VAC14: variants seen among roughly 807,000 people sequenced by gnomAD.
VAC14 encodes VAC14 component of PIKFYVE complex, also known as protein VAC14 homolog.
VAC14 carries 47 observed loss-of-function variants against 85.3 expected under a neutral mutation model. The ratio of observed to expected loss-of-function variants is 0.55; its 90% CI spans 0.44 to 0.70. The LOEUF is 0.70. VAC14 is among the 30% of genes least tolerant of loss of function. The pLI is 0.00. For missense variants in VAC14, 861 were observed against 1,004.3 expected, an observed-to-expected ratio of 0.86 and a Z score of 1.93; for synonymous variants, 447 against 430.5, an observed-to-expected ratio of 1.04 and a Z score of -0.47.
chr16:70,735,899 C>G (rs2054735560), intron 13 of VAC14, among the ~76,000 whole-genome samples: 1 of 152,274 alleles, frequency 6.6e-6, no homozygotes, highest in Non-Finnish European at 1.5e-5. Flanking sequence ...GTGTCACATT[C>G]TTATAGATCG....
At chr16:70,715,013 G>A (rs1038113251) in intron 14 of VAC14, 1 of 152,310 alleles carries the variant, frequency 6.6e-6, no homozygotes, top group African/African-American at 2.4e-5. Context: ...CCTATCTGAA[G>A]GCTCCTCTCA....
chr16:70,706,458 A>G (rs185629281), intron 14 of VAC14, among the ~76,000 whole-genome samples: 2 of 152,144 alleles, frequency 1.3e-5, no homozygotes, highest in East Asian at 3.9e-4. Flanking sequence ...TCCTTCCTTC[A>G]TTTCCATCCC....
intron 14 of VAC14, among the ~76,000 whole-genome samples, chr16:70,717,624 C>T (rs184712160): frequency 5.7e-4 from 87 of 152,170 alleles, no homozygotes; most frequent in Non-Finnish European, 1.8e-4. Context: ...GGACAGAAGA[C>T]GGGAGAGTGC....
At chr16:70,749,415 C>T (rs2031193362) in intron 12 of VAC14, among the ~76,000 whole-genome samples, 3 of 152,260 alleles carry the variant, frequency 2.0e-5, no homozygotes, top group Admixed American at 1.3e-4. Flanking sequence ...TTCAATTGCA[C>T]AATTAAAGCC....
Position 70,692,945 on chromosome 16 carries a change from T to A in VAC14, c.2062A>T (p.Lys688Ter). ...GCCTTGATCAGGTAGGGGTTGTTCTTCACGTCCAGCAGCTGCAGGCGCAGA... is the reference window on the plus strand; with the variant it reads ...GCCTTGATCAGGTAGGGGTTGTTCTACACGTCCAGCAGCTGCAGGCGCAGA... Reference protein sequence around the residue: ...TYLRLQLLDVKNNPYLIKALY... With the variant: ...TYLRLQLLDV The change falls in exon 18 of 19, where the codon AAG (lysine) becomes TAG (stop). Residue 688 changes from lysine (K) to a stop codon, truncating the protein, a stop_gained. Coordinates refer to ENST00000261776, the MANE Select transcript of VAC14 (RefSeq NM_018052.5). LOFTEE classifies it high-confidence loss of function. The A allele has an allele frequency of 6.2e-7, 1 of 1,611,290 alleles. No individual in the cohort carries two copies. Among genetic ancestry groups the A allele is most frequent in the Non-Finnish European group, 8.5e-7 (1 of 1,179,498 alleles).
At chr16:70,742,463 A>G (rs1426140586) in intron 13 of VAC14, among the ~76,000 whole-genome samples, 1 of 152,140 alleles carries the variant, frequency 6.6e-6, no homozygotes, top group Non-Finnish European at 1.5e-5. Flanking sequence ...GCCCCCATGT[A>G]CTGACTTGGG....
At chr16:70,688,243 G>T in intron 18 of VAC14, 153 bp from the exon 19 acceptor site, 1 of 1,272,984 alleles carries the variant, frequency 7.9e-7, no homozygotes, top group Non-Finnish European at 9.9e-7. Context: ...GTCATGGCGG[G>T]CCCCAGAGCT....
chr16:70,739,971 T>A (rs1248164012), intron 13 of VAC14, among the ~76,000 whole-genome samples: 1 of 151,920 alleles, frequency 6.6e-6, no homozygotes, highest in African/African-American at 2.4e-5. Flanking sequence ...TTTTGTTTTA[T>A]TTTTTTTGAG....
chr16:70,742,414 T>A (rs1316436733), intron 13 of VAC14, among the ~76,000 whole-genome samples: 1 of 148,260 alleles, frequency 6.7e-6, no homozygotes, highest in Non-Finnish European at 1.5e-5. Context: ...ACACTCCACC[T>A]CTGGCATTCC....
At position 70,801,142 on chromosome 16, in the gene VAC14, G is replaced by A. The variant is rs897059782; in HGVS notation, c.-242C>T. The A allele has an allele frequency of 9.5e-6, 4 of 419,350 alleles. No homozygotes were observed. The highest frequency in any genetic ancestry group is 6.3e-5 in the African/African-American group (3 of 47,712). The allele number at this position is 419,350 out of a possible 1,614,324, so 26.0% of individuals were successfully genotyped here. ...CACTAGCGGGACTCACGAGACAGCG[G>A]CCATGTTACTCGAGTCACATGACTC... On this transcript the variant is annotated 5_prime_UTR_variant, in exon 1 of 19. Coordinates refer to ENST00000261776, the MANE Select transcript of VAC14 (RefSeq NM_018052.5).
chr16:70,731,074 C>A (rs905819418), intron 14 of VAC14, among the ~76,000 whole-genome samples: 1 of 152,202 alleles, frequency 6.6e-6, no homozygotes, highest in African/African-American at 2.4e-5. Flanking sequence ...CCATCCTGGG[C>A]TGGGCTCACA....
intron 18 of VAC14, chr16:70,691,545 C>G: frequency 1.0e-6 from 1 of 985,480 alleles, no homozygotes; most frequent in Non-Finnish European, 1.2e-6. Context: ...GCTGACCCTG[C>G]TCCCCTGGGG....
At chr16:70,766,905 C>T (rs1430678651) in intron 10 of VAC14, among the ~76,000 whole-genome samples, 1 of 152,148 alleles carries the variant, frequency 6.6e-6, no homozygotes, top group Non-Finnish European at 1.5e-5. Context: ...AGAGGGCACA[C>T]TGCATGATGT....
At chr16:70,712,584 C>G (rs1402921222) in intron 14 of VAC14, among the ~76,000 whole-genome samples, 1 of 152,158 alleles carries the variant, frequency 6.6e-6, no homozygotes, top group Non-Finnish European at 1.5e-5. Context: ...CCTGGGCAAG[C>G]TGCAGAGCTC....
At chr16:70,703,393 C>T (rs1003024975) in intron 14 of VAC14, among the ~76,000 whole-genome samples, 1 of 150,732 alleles carries the variant, frequency 6.6e-6, no homozygotes, top group Non-Finnish European at 1.5e-5. Flanking sequence ...CCCTGGAGAC[C>T]CACCATGGGG....
In VAC14 at chr16:70,698,676, G is replaced by A. The variant is rs1012820993; in HGVS notation, c.1797C>T (p.Leu599=). 1.2e-5 allele frequency: 19 copies of A among 1,614,080 alleles called. No homozygotes were observed. The highest frequency in any genetic ancestry group is 8.9e-5 in the East Asian group (4 of 44,890). ...LNTILLTSTE[L]FQLRNQLKDL... ...CCTTCAGCTGGTTCCTTAGCTGGAAGAGCTCTGTGGAGGTCAGCAGGATGG... is the reference window on the plus strand; with the variant it reads ...CCTTCAGCTGGTTCCTTAGCTGGAAAAGCTCTGTGGAGGTCAGCAGGATGG... The change falls in exon 15 of 19, where the codon CTC becomes CTT. Residue 599 remains leucine, a synonymous_variant. Transcript: ENST00000261776.
rs559199668 is a variant in VAC14, at chr16:70,760,543, T to C, written c.1371+1997A>G. Among the ~76,000 whole-genome samples the C allele has an allele frequency of 6.8e-5, 9 of 131,490 alleles. No individual in the cohort carries two copies. The East Asian group carries it at 1.6e-3, about 24-fold the overall frequency. 86.3% of individuals were successfully genotyped at this position (131,490 alleles called of 152,430 possible). ...AAGCAGAGGCTCTTCACTGCTGTTA[T>C]GGTACCCCTCAACTGTCCCCCAGAG... On this transcript the variant is annotated intron_variant, in intron 12 of 18. Coordinates refer to ENST00000261776, the MANE Select transcript of VAC14 (RefSeq NM_018052.5).
At position 70,762,685 on chromosome 16, in the gene VAC14, T is replaced by C; in HGVS notation, c.1306-80A>G. On this transcript the variant is annotated intron_variant, in intron 11 of 18. Coordinates refer to ENST00000261776, the MANE Select transcript of VAC14 (RefSeq NM_018052.5). This position sits in a 1 kb window ranked among gnomAD's most constrained non-coding sequence, Gnocchi z 4.1. The stretch of plus-strand genomic sequence containing the variant: ...CGTGCAGTGCAGTGTCCCGCTGGTG[T>C]GCACGGACCCACTGGTCTGCACGGA... The C allele has an allele frequency of 6.5e-7, 1 of 1,538,908 alleles. No individual in the cohort carries two copies. The highest frequency in any genetic ancestry group is 1.8e-5 in the Admixed American group (1 of 56,286).
intron 9 of VAC14, chr16:70,779,051 G>A (rs912808184): frequency 3.3e-5 from 5 of 152,200 alleles, no homozygotes; most frequent in Non-Finnish European, 5.9e-5. Context: ...CATTGGCCGG[G>A]AATCGAACCC....
Sources: allele counts gnomAD v4.1 joint callset (sites outside exome capture counted in the v4.1 genomes callset), GRCh38; gene constraint gnomAD v4.1.1; non-coding constraint Gnocchi (gnomAD v3.1); transcripts MANE v1.5; gene names NCBI Gene and HGNC (gene_info 2026-07-23, HGNC 2026-07-21).